Variants in SPOCK1 observed in about 807,000 individuals in gnomAD.
SPOCK1 encodes the protein testican-1.
Under a neutral mutation model 55.3 loss-of-function variants are expected in SPOCK1, and 23 were observed. That is an observed-to-expected ratio of 0.42 (90% CI 0.30 to 0.59). The LOEUF (loss-of-function observed/expected upper bound fraction) is 0.59. Among genes scored for constraint, SPOCK1 ranks in the 20% least tolerant of loss-of-function variants. The pLI, the probability that SPOCK1 is intolerant of heterozygous loss-of-function variation, is 0.22. For synonymous variants in SPOCK1, 226 were observed against 221.0 expected (o/e 1.02, Z -0.20); for missense variants, 499 against 552.5 (o/e 0.90, Z 0.97).
intron 2 of SPOCK1, among the ~76,000 whole-genome samples, chr5:137,394,868 G>T (rs1751807992): frequency 6.6e-6 from 1 of 152,220 alleles, no homozygotes; most frequent in African/African-American, 2.4e-5. Context: ...GGACTTCACA[G>T]GGTCCATCAA....
chr5:137,294,689 C>A (rs1271906964), intron 2 of SPOCK1, among the ~76,000 whole-genome samples: 1 of 152,202 alleles, frequency 6.6e-6, no homozygotes, highest in Non-Finnish European at 1.5e-5. Context: ...TGTTCCAGGA[C>A]CAGGATTTGA....
At chr5:137,039,386 A>C (rs956011425) in intron 6 of SPOCK1, among the ~76,000 whole-genome samples, 9 of 147,450 alleles carry the variant, frequency 6.1e-5, no homozygotes, top group African/African-American at 2.2e-4. Context: ...TAAATTATGG[A>C]TCTTGATCCT....
At chr5:137,259,571 T>C (rs1580834290) in intron 3 of SPOCK1, among the ~76,000 whole-genome samples, 1 of 151,784 alleles carries the variant, frequency 6.6e-6, no homozygotes, top group Non-Finnish European at 1.5e-5. Context: ...CAAACCATCA[T>C]GGCACATGTA....
At chr5:137,038,181 T>C (rs1164889836) in intron 6 of SPOCK1, among the ~76,000 whole-genome samples, 1 of 152,162 alleles carries the variant, frequency 6.6e-6, no homozygotes, top group South Asian at 2.1e-4. Context: ...TAAGAAGCTA[T>C]GTAGATCCAT....
chr5:137,210,785 ATTTGTAT>A (rs1450078608), intron 3 of SPOCK1, among the ~76,000 whole-genome samples: 1 of 152,184 alleles, frequency 6.6e-6, no homozygotes, highest in Non-Finnish European at 1.5e-5. Context: ...TAATTCTGTT[ATTTGTAT>A]TCTCCCTAGT....
intron 2 of SPOCK1, among the ~76,000 whole-genome samples, chr5:137,356,834 TATATAGAG>T (rs1382113715): frequency 6.3e-4 from 6 of 9,456 alleles, no homozygotes; most frequent in African/African-American, 2.6e-3. Flanking sequence ...TATATATATA[TATATAGAG>T]AGAGAGAGAG....
intron 3 of SPOCK1, among the ~76,000 whole-genome samples, chr5:137,168,111 T>C (rs534582677): frequency 3.3e-5 from 5 of 151,916 alleles, no homozygotes; most frequent in South Asian, 2.1e-4. Context: ...AAGACATACA[T>C]TGGGGAAAAG....
chr5:137,096,378 A>C (rs1245482013), intron 5 of SPOCK1, among the ~76,000 whole-genome samples: 1 of 151,988 alleles, frequency 6.6e-6, no homozygotes. Flanking sequence ...GGTACCATGC[A>C]GAGAGGCAGC....
At chr5:136,982,719 G>GGTCTTAGCAGAATT (rs1184139678) in intron 9 of SPOCK1, among the ~76,000 whole-genome samples, 1 of 151,670 alleles carries the variant, frequency 6.6e-6, no homozygotes, top group Non-Finnish European at 1.5e-5. Flanking sequence ...TATTTTTATT[G>GGTCTTAGCAGAATT]GTCTTAGCAG....
Position 137,112,480 on chromosome 5 carries a change from C to T in SPOCK1, c.429G>A (p.Gln143=). ...LVKCKPCPVA[Q]SAMVCGSDGH... ...CATCTGAGCCGCAGACCATGGCTGA[C>T]TGTGCCACGGGACAGGGCTTGCACT... The change falls in exon 5 of 11, where the codon CAG becomes CAA. Residue 143 remains glutamine (Q), a synonymous_variant. Transcript: ENST00000394945. 1.9e-6 allele frequency: 3 copies of T among 1,613,966 alleles called. No individual in the cohort carries two copies. Among genetic ancestry groups the T allele is most frequent in the Non-Finnish European group, 2.5e-6 (3 of 1,180,000 alleles).
At chr5:137,266,392 A>C (rs1429692597) in intron 3 of SPOCK1, among the ~76,000 whole-genome samples, 1 of 152,172 alleles carries the variant, frequency 6.6e-6, no homozygotes, top group East Asian at 1.9e-4. Flanking sequence ...TGTCTTAAAT[A>C]ACTCACAGGA....
intron 3 of SPOCK1, among the ~76,000 whole-genome samples, chr5:137,201,648 C>T (rs1735726569): frequency 6.6e-6 from 1 of 152,188 alleles, no homozygotes; most frequent in Non-Finnish European, 1.5e-5. Context: ...ACCTCATGTG[C>T]ATACTTCATT....
At chr5:137,143,969 C>T (rs1216692997) in intron 3 of SPOCK1, among the ~76,000 whole-genome samples, 1 of 152,188 alleles carries the variant, frequency 6.6e-6, no homozygotes, top group Admixed American at 6.5e-5. Context: ...CGGGGCTCAC[C>T]TCATGCCAAG....
intron 5 of SPOCK1, among the ~76,000 whole-genome samples, chr5:137,108,416 A>C (rs1753406424): frequency 6.6e-6 from 1 of 152,184 alleles, no homozygotes; most frequent in Admixed American, 6.5e-5. Context: ...TTCACATAAG[A>C]CAGAAGACTA....
rs187499401 is a variant in SPOCK1, at chr5:137,148,659, T to C, written c.233-7965A>G. 1.7e-3 allele frequency among the ~76,000 whole-genome samples: 265 copies of C among 152,318 alleles called. 3 individuals carry two copies. Among genetic ancestry groups the C allele is most frequent in the Non-Finnish European group, 7.9e-4 (54 of 68,022 alleles). ...AATTAGGGGGCTGACATGGAGACAA[T>C]GACAACGACCAACTATAGAATAATG... On this transcript the variant is annotated intron_variant, in intron 3 of 10. Transcript: ENST00000394945.
chr5:137,289,980 C>A (rs1009582810), intron 2 of SPOCK1, among the ~76,000 whole-genome samples: 6 of 152,186 alleles, frequency 3.9e-5, no homozygotes, highest in Non-Finnish European at 5.9e-5. Context: ...AACTGGAACT[C>A]CTGCACACTG....
chr5:137,014,067 G>A (rs1347814555), intron 6 of SPOCK1, among the ~76,000 whole-genome samples: 1 of 152,152 alleles, frequency 6.6e-6, no homozygotes, highest in African/African-American at 2.4e-5. Flanking sequence ...TTTGGATCAT[G>A]GAGGTGGATC....
At chr5:137,246,546 G>A (rs767628543) in intron 3 of SPOCK1, among the ~76,000 whole-genome samples, 3 of 152,132 alleles carry the variant, frequency 2.0e-5, no homozygotes, top group Non-Finnish European at 4.4e-5. Flanking sequence ...GGCTTCCAGA[G>A]CTTCCACTGC....
At chr5:137,360,137 A>G (rs1246060471) in intron 2 of SPOCK1, among the ~76,000 whole-genome samples, 2 of 152,272 alleles carry the variant, frequency 1.3e-5, no homozygotes, top group East Asian at 3.8e-4. Flanking sequence ...TGCAAGATCC[A>G]ACATGCAATC....
Sources: allele counts gnomAD v4.1 joint callset (sites outside exome capture counted in the v4.1 genomes callset), GRCh38; gene constraint gnomAD v4.1.1; transcripts MANE v1.5; gene names NCBI Gene and HGNC (gene_info 2026-07-23, HGNC 2026-07-21).